SLITRK5: variants seen among roughly 807,000 people sequenced by gnomAD.
SLITRK5 encodes SLIT and NTRK like family member 5, also known as SLIT and NTRK-like protein 5.
A neutral mutation model predicts 56.2 loss-of-function variants in SLITRK5; 23 were observed. That is an observed-to-expected ratio of 0.41 (90% CI 0.29 to 0.58). The LOEUF is 0.58. Among genes scored for constraint, SLITRK5 ranks in the 20% least tolerant of loss-of-function variants. SLITRK5 has a pLI of 0.30. For missense variants in SLITRK5, 1,289 were observed against 1,226.6 expected, an observed-to-expected ratio of 1.05 and a Z score of -0.76; for synonymous variants, 637 against 531.8, an observed-to-expected ratio of 1.20 and a Z score of -2.72.
Position 87,675,464 on chromosome 13 carries a change from C to T in SLITRK5, c.76C>T (p.Leu26=), listed in dbSNP as rs1877229545. The T allele has an allele frequency of 6.2e-7, 1 of 1,614,234 alleles. No homozygotes were observed. The highest frequency in any genetic ancestry group is 1.3e-5 in the African/African-American group (1 of 75,058). Residue 26 remains leucine (L), a synonymous_variant, in exon 2 of 2, where the codon CTA becomes TTA. Coordinates refer to ENST00000683689, the MANE Select transcript of SLITRK5 (RefSeq NM_001384609.1). ...AATGCATAGCTGGATGCTGCAGACT[C>T]TAGCGTTTGCTGTAACATCTCTCGT... is the stretch of plus-strand genomic sequence containing the variant. The part of the protein sequence containing the change: ...RKMHSWMLQT[L]AFAVTSLVLS...
Position 87,677,621 on chromosome 13 carries a change from G to A in SLITRK5, c.2233G>A (p.Ala745Thr). The change falls in exon 2 of 2, where the codon GCG becomes ACG. Residue 745 changes from alanine (A) to threonine (T), a missense_variant. Ala to Thr is a moderately conservative substitution (Grantham distance 58). Coordinates refer to ENST00000683689, the MANE Select transcript of SLITRK5 (RefSeq NM_001384609.1). This position sits in a 1 kb window ranked among gnomAD's most constrained non-coding sequence, Gnocchi z 4.7. Reference protein sequence around the residue: ...GPALPKVKTPAGHVYEYIPHP... With the variant: ...GPALPKVKTPTGHVYEYIPHP... ...CGCGCTGCCCAAGGTGAAGACGCCC[G>A]CGGGCCACGTGTATGAATACATCCC... The A allele has an allele frequency of 6.2e-7, 1 of 1,609,628 alleles. No individual in the cohort carries two copies. The highest frequency in any genetic ancestry group is 8.5e-7 in the Non-Finnish European group (1 of 1,176,880).
rs769551916 is a variant in SLITRK5, at chr13:87,677,981, T to C, written c.2593T>C (p.Cys865Arg). The change falls in exon 2 of 2, where the codon TGC becomes CGC. Residue 865 changes from cysteine to arginine, a missense_variant. Coordinates refer to ENST00000683689, the MANE Select transcript of SLITRK5 (RefSeq NM_001384609.1). The surrounding 1 kb of genome is among the most constrained non-coding windows in gnomAD (Gnocchi z 4.7). ...GGGCATTTTAGAACCAGACAAACAC[T>C]GCTCCACCACCCCCGCCGGCAATAG... is the stretch of plus-strand genomic sequence containing the variant. The part of the protein sequence containing the change: ...YRGILEPDKH[C>R]STTPAGNSLP... The C allele has an allele frequency of 5.5e-5, 88 of 1,613,890 alleles. No homozygotes were observed. Among genetic ancestry groups the C allele is most frequent in the Non-Finnish European group, 7.2e-5 (85 of 1,179,930 alleles).
At position 87,671,814 on chromosome 13, in the gene SLITRK5, G is replaced by A. The variant is rs1423870432; in HGVS notation, c.-404G>A. Among the ~76,000 whole-genome samples the A allele has an allele frequency of 6.6e-6, 1 of 152,054 alleles. No individual in the cohort carries two copies. Among genetic ancestry groups the A allele is most frequent in the African/African-American group, 2.4e-5 (1 of 41,414 alleles). ...GGGCCGCGGCGGCGGCGGGCTCGGC[G>A]CGGAGACAGCGTCGGCGGGATCCCA... On this transcript the variant is annotated 5_prime_UTR_variant, in exon 1 of 2. Coordinates refer to ENST00000683689, the MANE Select transcript of SLITRK5 (RefSeq NM_001384609.1).
chr13:87,673,551 C>A, intron 1 of SLITRK5: 1 of 1,280,242 alleles, frequency 7.8e-7, no homozygotes, highest in Middle Eastern at 2.2e-4. Context: ...CGGATTTGAT[C>A]CAGCGGAGAA....
chr13:87,677,416 G>C lies in SLITRK5; in HGVS notation c.2028G>C (p.Met676Ile), dbSNP rs972952771. The change falls in exon 2 of 2, where the codon ATG becomes ATC. Residue 676 changes from methionine (M) to isoleucine (I), a missense_variant. Met to Ile is a conservative substitution (Grantham distance 10, BLOSUM62 1). Transcript: ENST00000683689. The surrounding 1 kb of genome is among the most constrained non-coding windows in gnomAD (Gnocchi z 4.7). ...TCAGCCTCCTGCTGGTTTTCATCATGTCCGTCTTCGTGGCCGCCGGGCTCT... is the reference window on the plus strand; with the variant it reads ...TCAGCCTCCTGCTGGTTTTCATCATCTCCGTCTTCGTGGCCGCCGGGCTCT... ...LILSLLLVFI[M>I]SVFVAAGLFV... 1.9e-6 allele frequency: 3 copies of C among 1,613,690 alleles called. No individual in the cohort carries two copies. Among genetic ancestry groups the C allele is most frequent in the African/African-American group, 2.7e-5 (2 of 75,032 alleles).
chr13:87,675,472 T>C lies in SLITRK5; in HGVS notation c.84T>C (p.Phe28=). Residue 28 remains phenylalanine, a synonymous_variant, in exon 2 of 2, where the codon TTT becomes TTC. Transcript: ENST00000683689. ...MHSWMLQTLA[F]AVTSLVLSCA... ...GCTGGATGCTGCAGACTCTAGCGTT[T>C]GCTGTAACATCTCTCGTCCTTTCGT... 1 of 1,614,202 alleles carries C rather than the reference T, an allele frequency of 6.2e-7. No homozygotes were observed. Among genetic ancestry groups the C allele is most frequent in the Non-Finnish European group, 8.5e-7 (1 of 1,180,038 alleles).
chr13:87,673,454 G>C, intron 1 of SLITRK5: 1 of 655,620 alleles, frequency 1.5e-6, no homozygotes, highest in South Asian at 1.5e-5. Context: ...AATTTGCAAT[G>C]GGCTTTCAGA....
chr13:87,678,167 C>A lies in SLITRK5; in HGVS notation c.2779C>A (p.Pro927Thr). 1 of 1,614,198 alleles carries A rather than the reference C, an allele frequency of 6.2e-7. No individual in the cohort carries two copies. The highest frequency in any genetic ancestry group is 8.5e-7 in the Non-Finnish European group (1 of 1,180,036). Reference protein sequence around the residue: ...YSPPSAVFVEPNRNEYLELKA... With the variant: ...YSPPSAVFVETNRNEYLELKA... ...CCCCCCGAGTGCTGTCTTTGTAGAA[C>A]CCAACCGGAACGAATATCTGGAGTT... Residue 927 changes from proline (P) to threonine (T), a missense_variant, in exon 2 of 2, where the codon CCC becomes ACC. By Grantham distance (38) the Pro-to-Thr change is conservative. This residue lies in a region of SLITRK5 where 985 missense variants were observed against 906.0 expected (regional missense o/e 1.09). Transcript: ENST00000683689.
rs1198848708 is a variant in SLITRK5 at position 87,678,027 on chromosome 13, T to A, written c.2639T>A (p.Phe880Tyr). Residue 880 changes from phenylalanine to tyrosine, a missense_variant, in exon 2 of 2, where the codon TTC becomes TAC. Coordinates refer to ENST00000683689, the MANE Select transcript of SLITRK5 (RefSeq NM_001384609.1). ...AATAGCCTCCCGGAATATCCCAAATTCCCGTGCAGCCCCGCTGCTTACACT... is the reference window on the plus strand; with the variant it reads ...AATAGCCTCCCGGAATATCCCAAATACCCGTGCAGCCCCGCTGCTTACACT... ...AGNSLPEYPK[F>Y]PCSPAAYTFS... The A allele has an allele frequency of 6.2e-7, 1 of 1,613,932 alleles. No individual in the cohort carries two copies. Among genetic ancestry groups the A allele is most frequent in the Non-Finnish European group, 8.5e-7 (1 of 1,179,950 alleles).
At position 87,677,432 on chromosome 13, in the gene SLITRK5, G is replaced by A; in HGVS notation, c.2044G>A (p.Ala682Thr). The A allele has an allele frequency of 6.2e-7, 1 of 1,613,258 alleles. No homozygotes were observed. Among genetic ancestry groups the A allele is most frequent in the South Asian group, 1.1e-5 (1 of 91,082 alleles). Residue 682 changes from alanine (A) to threonine (T), a missense_variant, in exon 2 of 2, where the codon GCC (alanine) becomes ACC (threonine). Around this residue, in one of 3 missense-constraint regions of SLITRK5, gnomAD observed 985 missense variants for 906.0 expected, o/e 1.09. Coordinates refer to ENST00000683689, the MANE Select transcript of SLITRK5 (RefSeq NM_001384609.1). This position sits in a 1 kb window ranked among gnomAD's most constrained non-coding sequence, Gnocchi z 4.7. ...LVFIMSVFVA[A>T]GLFVLVMKRR... Reference sequence around the variant, plus strand: ...TTTCATCATGTCCGTCTTCGTGGCCGCCGGGCTCTTCGTGCTGGTCATGAA... The same window carrying A: ...TTTCATCATGTCCGTCTTCGTGGCCACCGGGCTCTTCGTGCTGGTCATGAA...
At position 87,679,243 on chromosome 13, in the gene SLITRK5, T is replaced by C. The variant is rs1452125394; in HGVS notation, c.*978T>C. On this transcript the variant is annotated 3_prime_UTR_variant, in exon 2 of 2. Transcript: ENST00000683689. Reference sequence around the variant, plus strand: ...TTGTATCCCAATGTATTTTAAAAAATAGGGCAATTGATTGGGCCATTCCGA... The same window carrying C: ...TTGTATCCCAATGTATTTTAAAAAACAGGGCAATTGATTGGGCCATTCCGA... 2 of 167,050 alleles carry C rather than the reference T, an allele frequency of 1.2e-5. No individual in the cohort carries two copies. The highest frequency in any genetic ancestry group is 2.9e-5 in the Non-Finnish European group (2 of 68,102). 10.3% of individuals were successfully genotyped at this position (167,050 alleles called of 1,614,324 possible).
chr13:87,674,305 C>T, intron 1 of SLITRK5: 2 of 712,918 alleles, frequency 2.8e-6, no homozygotes, highest in Non-Finnish European at 3.4e-6. Flanking sequence ...GGAGCGTTAA[C>T]AATTAAATGT....
Position 87,676,463 on chromosome 13 carries a change from G to A in SLITRK5, c.1075G>A (p.Gly359Ser). Residue 359 changes from glycine (G) to serine (S), a missense_variant, in exon 2 of 2, where the codon GGC becomes AGC. Physicochemically the swap from Gly to Ser is moderately conservative, Grantham distance 56. This residue lies in a region of SLITRK5 where 985 missense variants were observed against 906.0 expected (regional missense o/e 1.09). Coordinates refer to ENST00000683689, the MANE Select transcript of SLITRK5 (RefSeq NM_001384609.1). ...PSKDLGYSNY[G>S]PSIAYQTKSP... ...TAAGGACTTGGGCTACAGCAACTATGGCCCCAGCATCGCCTATCAGACCAA... is the reference window on the plus strand; with the variant it reads ...TAAGGACTTGGGCTACAGCAACTATAGCCCCAGCATCGCCTATCAGACCAA... 1.2e-6 allele frequency: 2 copies of A among 1,614,040 alleles called. No homozygotes were observed. Among genetic ancestry groups the A allele is most frequent in the Non-Finnish European group, 1.7e-6 (2 of 1,180,004 alleles).
intron 1 of SLITRK5, chr13:87,674,325 C>T (rs1877177872): frequency 1.1e-6 from 1 of 899,722 alleles, no homozygotes; most frequent in Non-Finnish European, 1.3e-6. Flanking sequence ...TAATAAGCAA[C>T]TCCAAAGATG....
In SLITRK5 at chr13:87,675,983, T is replaced by G. The variant is rs776609503; in HGVS notation, c.595T>G (p.Phe199Val). 3 of 1,614,124 alleles carry G rather than the reference T, an allele frequency of 1.9e-6. No individual in the cohort carries two copies. Among genetic ancestry groups the G allele is most frequent in the Non-Finnish European group, 2.5e-6 (3 of 1,180,034 alleles). The change falls in exon 2 of 2, where the codon TTT becomes GTT. Residue 199 changes from phenylalanine (F) to valine (V), a missense_variant. Physicochemically the swap from Phe to Val is conservative, Grantham distance 50 (BLOSUM62 -1). Transcript: ENST00000683689. ...LSSLPNNLFR[F>V]VPLTHLDLRG... ...CAGTTTACCCAACAATCTTTTCCGT[T>G]TTGTGCCCTTAACGCACTTGGACCT... is the stretch of plus-strand genomic sequence containing the variant.
Position 87,674,386 on chromosome 13 carries a change from A to T in SLITRK5, c.-8-995A>T, listed in dbSNP as rs1877180321. 3 of 985,254 alleles carry T rather than the reference A, an allele frequency of 3.0e-6. No homozygotes were observed. The African/African-American group carries it at 5.2e-5, about 17-fold the overall frequency. The allele number at this position is 985,254 out of a possible 1,614,324, so 61.0% of individuals were successfully genotyped here. ...GTGCAAACCTTGCTATTACCGTTGC[A>T]AATAGACGCGGAGCCCAAGGTAAGG... On this transcript the variant is annotated intron_variant, in intron 1 of 1. Transcript: ENST00000683689.
At chr13:87,673,557 G>A (rs1397581358) in intron 1 of SLITRK5, 5 of 1,279,522 alleles carry the variant, frequency 3.9e-6, no homozygotes, top group African/African-American at 1.5e-5. Flanking sequence ...TGATCCAGCG[G>A]AGAACTGAAA....
In SLITRK5 at chr13:87,677,535, T is replaced by G; in HGVS notation, c.2147T>G (p.Val716Gly). The change falls in exon 2 of 2, where the codon GTG (valine) becomes GGG (glycine). Residue 716 changes from valine (V) to glycine (G), a missense_variant. Val to Gly is a moderately radical substitution (Grantham distance 109). This residue lies in a region of SLITRK5 where 985 missense variants were observed against 906.0 expected (regional missense o/e 1.09). Transcript: ENST00000683689. The surrounding 1 kb of genome is among the most constrained non-coding windows in gnomAD (Gnocchi z 4.7). ...AGCTCCTTTAACATGCAGTACAGCG[T>G]GTACGGCGGCGGCGGCGGCACGGGC... is the stretch of plus-strand genomic sequence containing the variant. ...DVSSFNMQYS[V>G]YGGGGGTGGH... The G allele has an allele frequency of 6.2e-7, 1 of 1,608,854 alleles. No individual in the cohort carries two copies. The highest frequency in any genetic ancestry group is 8.5e-7 in the Non-Finnish European group (1 of 1,176,914).
chr13:87,674,446 C>T (rs2137941070), intron 1 of SLITRK5: 3 of 981,508 alleles, frequency 3.1e-6, no homozygotes, highest in Non-Finnish European at 3.6e-6. Flanking sequence ...GTACTGATTC[C>T]CGGTAAGCGG....
Sources: allele counts gnomAD v4.1 joint callset (sites outside exome capture counted in the v4.1 genomes callset), GRCh38; gene constraint gnomAD v4.1.1; regional missense constraint gnomAD v4.1.1; non-coding constraint Gnocchi (gnomAD v3.1); transcripts MANE v1.5; gene names NCBI Gene and HGNC (gene_info 2026-07-23, HGNC 2026-07-21).